The following SLIT3 variants were observed in gnomAD, a reference collection of about 807,000 sequenced individuals.
SLIT3 encodes slit homolog 3 protein.
A neutral mutation model predicts 184.0 loss-of-function variants in SLIT3; 68 were observed. The observed-to-expected ratio is 0.37, with a 90% confidence interval of 0.30 to 0.45. The LOEUF (loss-of-function observed/expected upper bound fraction) is 0.45. SLIT3 is among the 20% of genes least tolerant of loss of function. The pLI is 1.00. For missense variants in SLIT3, 1,707 were observed against 2,026.0 expected (o/e 0.84, Z 3.02); for synonymous variants, 831 against 828.6 (o/e 1.00, Z -0.05).
At chr5:168,792,004 G>A (rs566835270) in intron 10 of SLIT3, 42 of 152,304 alleles carry the variant, frequency 2.8e-4, no homozygotes, top group African/African-American at 7.7e-4. Flanking sequence ...GGCAAACTGC[G>A]TCTTAATTCT....
intron 4 of SLIT3, among the ~76,000 whole-genome samples, chr5:169,098,791 C>A (rs1425343766): frequency 6.6e-6 from 1 of 152,188 alleles, no homozygotes; most frequent in Non-Finnish European, 1.5e-5. Context: ...TTGCAAGAAG[C>A]AGGATTCACA....
At chr5:169,025,409 A>T (rs77994916) in intron 4 of SLIT3, among the ~76,000 whole-genome samples, 1,942 of 152,296 alleles carry the variant, frequency 0.013, 92 homozygotes, top group East Asian at 0.09. Context: ...CCAGAAACCA[A>T]ATCTGTTGGG....
At chr5:169,075,608 C>G (rs1429135290) in intron 4 of SLIT3, among the ~76,000 whole-genome samples, 1 of 152,090 alleles carries the variant, frequency 6.6e-6, no homozygotes. Context: ...GATGGGTTGC[C>G]TGAGCCTGGT....
chr5:169,245,467 TA>T (rs58933815), intron 2 of SLIT3, among the ~76,000 whole-genome samples: 10,807 of 149,582 alleles, frequency 0.072, 449 homozygotes, highest in Middle Eastern at 0.13. Flanking sequence ...TTCCCTAACT[TA>T]AAAAAAAAAT....
chr5:168,973,966 A>G (rs1006238261), intron 4 of SLIT3, among the ~76,000 whole-genome samples: 1 of 152,224 alleles, frequency 6.6e-6, no homozygotes, highest in Non-Finnish European at 1.5e-5. Flanking sequence ...TGGAGCTCTC[A>G]TGAAAAATAC....
intron 4 of SLIT3, among the ~76,000 whole-genome samples, chr5:168,974,763 C>G (rs1754691157): frequency 6.6e-6 from 1 of 152,212 alleles, no homozygotes; most frequent in East Asian, 1.9e-4. Flanking sequence ...CGAAAAGGCT[C>G]TCAGCCATGC....
intron 18 of SLIT3, among the ~76,000 whole-genome samples, chr5:168,750,642 A>G (rs1754662351): frequency 1.3e-5 from 2 of 152,120 alleles, no homozygotes; most frequent in Non-Finnish European, 2.9e-5. Flanking sequence ...TGGATTTCCA[A>G]TGTGGAGGTA....
At chr5:168,768,241 C>T (rs1430342202) in intron 14 of SLIT3, 2 of 512,394 alleles carry the variant, frequency 3.9e-6, no homozygotes, top group Admixed American at 2.0e-5. Flanking sequence ...AAGGAAAGCC[C>T]CGCAGCGACT....
chr5:169,204,629 G>A (rs1764008354), intron 3 of SLIT3, among the ~76,000 whole-genome samples: 1 of 152,166 alleles, frequency 6.6e-6, no homozygotes, highest in Admixed American at 6.5e-5. Context: ...CCTTTGGCAG[G>A]GCCAGAGACG....
At chr5:168,777,083 A>T (rs1382569499) in intron 12 of SLIT3, among the ~76,000 whole-genome samples, 2 of 58,620 alleles carry the variant, frequency 3.4e-5, no homozygotes, top group South Asian at 7.6e-4. Context: ...ACACACACAC[A>T]CACACACACA....
At chr5:168,783,757 AC>A (rs1344266746) in intron 12 of SLIT3, among the ~76,000 whole-genome samples, 1 of 152,126 alleles carries the variant, frequency 6.6e-6, no homozygotes, top group Non-Finnish European at 1.5e-5. Flanking sequence ...CTGCTTTCCA[AC>A]CACTCAATGG....
chr5:168,883,452 A>T (rs1449789760), intron 4 of SLIT3, 116 bp from the exon 5 acceptor site: 2 of 746,902 alleles, frequency 2.7e-6, no homozygotes, highest in South Asian at 3.2e-5. Context: ...GTCAGAGTGT[A>T]TGGCGGCTGT....
At chr5:168,771,139 A>C (rs1176342081) in intron 14 of SLIT3, among the ~76,000 whole-genome samples, 1 of 152,196 alleles carries the variant, frequency 6.6e-6, no homozygotes, top group Non-Finnish European at 1.5e-5. Context: ...GGCAGAGCTA[A>C]TTAACTCAGC....
intron 4 of SLIT3, among the ~76,000 whole-genome samples, chr5:169,034,696 A>G (rs925947775): frequency 9.2e-5 from 14 of 152,122 alleles, no homozygotes; most frequent in African/African-American, 3.4e-4. Context: ...AATAAATAAA[A>G]ATCTCAGTTC....
chr5:168,971,531 C>G (rs1240773954), intron 4 of SLIT3, among the ~76,000 whole-genome samples: 1 of 152,164 alleles, frequency 6.6e-6, no homozygotes, highest in African/African-American at 2.4e-5. Context: ...CTCCCAATCC[C>G]GAAACAGACT....
chr5:169,112,099 G>A (rs890164745), intron 4 of SLIT3, among the ~76,000 whole-genome samples: 2 of 152,212 alleles, frequency 1.3e-5, no homozygotes, highest in Non-Finnish European at 2.9e-5. Flanking sequence ...GATGGGGAAC[G>A]AACAGTATTT....
chr5:168,793,804 G>C lies in SLIT3; in HGVS notation c.1007+1703C>G, dbSNP rs537505221. On this transcript the variant is annotated intron_variant, in intron 10 of 35. Transcript: ENST00000519560. ...AGCTGAGCTTTAAAAATGAATTGGGGGGGGGGATGCATGGAGAGCGGGCTG... is the reference window on the plus strand; with the variant it reads ...AGCTGAGCTTTAAAAATGAATTGGGCGGGGGGATGCATGGAGAGCGGGCTG... Among the ~76,000 whole-genome samples, 41 of 152,132 alleles carry C rather than the reference G, an allele frequency of 2.7e-4. No homozygotes were observed. In the East Asian group the frequency reaches 4.8e-3, roughly 18 times the overall value.
At chr5:169,179,548 T>C (rs1763088531) in intron 4 of SLIT3, among the ~76,000 whole-genome samples, 1 of 152,196 alleles carries the variant, frequency 6.6e-6, no homozygotes, top group Non-Finnish European at 1.5e-5. Context: ...AAGCACTGGC[T>C]CACATCTGCT....
intron 3 of SLIT3, among the ~76,000 whole-genome samples, chr5:169,229,818 C>A (rs1764936677): frequency 6.6e-6 from 1 of 152,018 alleles, no homozygotes; most frequent in Non-Finnish European, 1.5e-5. Context: ...GGAGGCATGG[C>A]GTACATGCAT....
Sources: gnomAD v4.1 joint callset for allele counts (sites outside exome capture counted in the v4.1 genomes callset) on GRCh38, gnomAD v4.1.1 for gene constraint, MANE v1.5 for transcripts, NCBI Gene and HGNC (gene_info 2026-07-23, HGNC 2026-07-21) for gene names.